The following GLB1 variants were observed in gnomAD, a reference collection of about 807,000 sequenced individuals.
GLB1 encodes beta-galactosidase.
A neutral mutation model predicts 74.0 loss-of-function variants in GLB1; 56 were observed. The ratio of observed to expected loss-of-function variants is 0.76; its 90% confidence interval spans 0.61 to 0.94. The LOEUF (loss-of-function observed/expected upper bound fraction) is 0.94, where lower values mean the gene tolerates loss of function less well. Among genes scored for constraint, GLB1 ranks in the 40% least tolerant of loss-of-function variants. The pLI is 0.00. For synonymous variants in GLB1, 323 were observed against 323.6 expected (o/e 1.00, Z 0.02); for missense variants, 787 against 845.5 (o/e 0.93, Z 0.86).
Position 32,997,119 on chromosome 3 carries a change from AG to A in GLB1, c.1959del (p.Ser654ProfsTer32). On this transcript the variant is annotated frameshift_variant, in exon 16 of 16. Transcript: ENST00000307363. LOFTEE classifies it low-confidence loss of function (END_TRUNC). ...ATGAGTCTTTTTTCAACAGGTTTGG[AG>A]GGATGATCGTAGGTCACAGATGAGC... ...VIGSSVTYDH[P>X]SKPVEKRLMP... The A allele has an allele frequency of 6.2e-7, 1 of 1,614,042 alleles. No homozygotes were observed. Among genetic ancestry groups the A allele is most frequent in the Non-Finnish European group, 8.5e-7 (1 of 1,180,010 alleles).
At chr3:33,054,296 C>A (rs897526381) in intron 6 of GLB1, among the ~76,000 whole-genome samples, 1 of 152,176 alleles carries the variant, frequency 6.6e-6, no homozygotes, top group Non-Finnish European at 1.5e-5. Flanking sequence ...CCTTCCCACA[C>A]CCCATGGGCC....
the GLB1 span, among the ~76,000 whole-genome samples, chr3:32,976,045 C>G: frequency 6.6e-6 from 1 of 152,200 alleles, no homozygotes; most frequent in African/African-American, 2.4e-5. Context: ...CACCCATCTC[C>G]CCTTTCCTCA....
the GLB1 span, among the ~76,000 whole-genome samples, chr3:32,972,420 T>C: frequency 2.0e-5 from 3 of 152,316 alleles, no homozygotes; most frequent in African/African-American, 4.8e-5. Context: ...AGTTAGCCCA[T>C]GTTCCAGTTC....
intron 7 of GLB1, 73 bp downstream of exon 7, chr3:33,053,418 C>T: frequency 6.2e-7 from 1 of 1,609,142 alleles, no homozygotes; most frequent in Non-Finnish European, 8.5e-7. Flanking sequence ...CAAGGGCCTA[C>T]TGCCCAGTTT....
chr3:33,097,072 A>G lies in GLB1; in HGVS notation c.14T>C (p.Leu5Pro), dbSNP rs1701065102. The G allele has an allele frequency of 1.2e-6, 2 of 1,612,610 alleles. No homozygotes were observed. The highest frequency in any genetic ancestry group is 1.7e-6 in the Non-Finnish European group (2 of 1,179,094). The change falls in exon 1 of 16, where the codon CTG becomes CCG. Residue 5 changes from leucine to proline, a missense_variant. Coordinates refer to ENST00000307363, the MANE Select transcript of GLB1 (RefSeq NM_000404.4). The stretch of plus-strand genomic sequence containing the variant: ...CAGCAACAGAGGGAGGATGCGAACC[A>G]GGAACCCCGGCATGACCACCAGCCT... MPGF[L>P]VRILPLLLVL...
intron 1 of GLB1, among the ~76,000 whole-genome samples, chr3:33,086,320 C>G (rs925751526): frequency 6.6e-6 from 1 of 152,030 alleles, no homozygotes; most frequent in African/African-American, 2.4e-5. Flanking sequence ...AATCTGGTAT[C>G]TGTCTTGCCT....
At chr3:32,965,588 C>T in the GLB1 span, among the ~76,000 whole-genome samples, 1 of 151,808 alleles carries the variant, frequency 6.6e-6, no homozygotes, top group Non-Finnish European at 1.5e-5. Flanking sequence ...AAAAAAAAAA[C>T]ATTTTCTGGG....
In GLB1 at chr3:33,093,006, A is replaced by T; in HGVS notation, c.75+4005T>A. On this transcript the variant is annotated intron_variant, in intron 1 of 15. Transcript: ENST00000307363. The surrounding 1 kb of genome is among the most constrained non-coding windows in gnomAD (Gnocchi z 6.0). ...ATAGGCTGCTACGTTCAAGGGGAAG[A>T]TCTGCCCAGCATGTGTGTGCCCAGA... 1 of 1,614,224 alleles carries T rather than the reference A, an allele frequency of 6.2e-7. No individual in the cohort carries two copies. The highest frequency in any genetic ancestry group is 1.1e-5 in the South Asian group (1 of 91,082).
the GLB1 span, among the ~76,000 whole-genome samples, chr3:32,961,138 T>C: frequency 6.6e-6 from 1 of 152,252 alleles, no homozygotes; most frequent in Admixed American, 6.5e-5. Flanking sequence ...ATTAAGACTT[T>C]TCATATTGAA....
chr3:33,002,324 TCTCCCTCC>T lies in GLB1; in HGVS notation c.1735-4988_1735-4981del, dbSNP rs775639992. Among the ~76,000 whole-genome samples, 10 of 83,096 alleles carry T rather than the reference TCTCCCTCC, an allele frequency of 1.2e-4. No homozygotes were observed. The East Asian group carries it at 1.6e-3, about 13-fold the overall frequency. The allele number at this position is 83,096 out of a possible 152,430, so 54.5% of individuals were successfully genotyped here. ...GGATAAATGGAATTTAAAACAAAAG[TCTCCCTCC>T]CTCCCTCCCTCCCTCCCTTCCTTCC... On this transcript the variant is annotated intron_variant, in intron 15 of 15. Transcript: ENST00000307363.
In GLB1 at chr3:33,058,167, T is replaced by C; in HGVS notation, c.655A>G (p.Thr219Ala). 6.2e-7 allele frequency: 1 copy of C among 1,614,082 alleles called. No individual in the cohort carries two copies. Among genetic ancestry groups the C allele is most frequent in the Non-Finnish European group, 8.5e-7 (1 of 1,180,016 alleles). The change falls in exon 6 of 16, where the codon ACC (threonine) becomes GCC (alanine). Residue 219 changes from threonine (T) to alanine (A), a missense_variant. Thr to Ala is a moderately conservative substitution (Grantham distance 58). Transcript: ENST00000307363. Reference sequence around the variant, plus strand: ...AATGTTTTATGTGCTCCATCAGTGGTAAACAGAACCACATCATCCCCCAGA... The same window carrying C: ...AATGTTTTATGTGCTCCATCAGTGGCAAACAGAACCACATCATCCCCCAGA... Reference protein sequence around the residue: ...HHLGDDVVLFTTDGAHKTFLK... With the variant: ...HHLGDDVVLFATDGAHKTFLK...
chr3:33,073,315 C>T (rs940988848), intron 1 of GLB1, among the ~76,000 whole-genome samples: 1 of 152,088 alleles, frequency 6.6e-6, no homozygotes, highest in Non-Finnish European at 1.5e-5. Context: ...GCATTTAAGG[C>T]AATATTTGTA....
intron 1 of GLB1, chr3:33,077,359 A>T: frequency 7.1e-7 from 1 of 1,410,790 alleles, no homozygotes; most frequent in Non-Finnish European, 9.8e-7. Context: ...AACGATAGGG[A>T]TGGTCAATGA....
intron 15 of GLB1, among the ~76,000 whole-genome samples, chr3:32,999,622 T>C (rs1439738224): frequency 2.0e-5 from 3 of 152,108 alleles, no homozygotes; most frequent in East Asian, 1.9e-4. Context: ...TGGGTTAGCG[T>C]TGGTCAGAAG....
chr3:33,022,563 G>GGTTTTTTTTTTTTTTTTTT (rs1380045437), intron 11 of GLB1, among the ~76,000 whole-genome samples: 2 of 15,314 alleles, frequency 1.3e-4, no homozygotes, highest in Non-Finnish European at 3.0e-4. Flanking sequence ...TACTGGTTAG[G>GGTTTTTTTTTTTTTTTTTT]ATTTTTTTTT....
Position 33,051,825 on chromosome 3 carries a change from C to T in GLB1, c.915-27G>A, listed in dbSNP as rs376092746. ...TACAAGGAAACAAAAGAACACGGTA[C>T]TTCACTGTGAGCCCATGGCTACTGA... On this transcript the variant is annotated intron_variant, in intron 8 of 15. Transcript: ENST00000307363. 2.8e-5 allele frequency: 45 copies of T among 1,614,172 alleles called. No individual in the cohort carries two copies. In the African/African-American group the frequency reaches 5.6e-4, roughly 20 times the overall value.
intron 1 of GLB1, among the ~76,000 whole-genome samples, chr3:33,082,015 T>C (rs1368488529): frequency 6.6e-6 from 1 of 152,162 alleles, no homozygotes; most frequent in Non-Finnish European, 1.5e-5. Flanking sequence ...GATCCTGCAT[T>C]ACCACCCCAA....
intron 9 of GLB1, 65 bp downstream of exon 9, chr3:33,051,693 C>T: frequency 6.2e-7 from 1 of 1,610,834 alleles, no homozygotes; most frequent in Non-Finnish European, 8.5e-7. Flanking sequence ...TGGGCACACC[C>T]CTCCTCAAAT....
the GLB1 span, among the ~76,000 whole-genome samples, chr3:32,964,086 T>G: frequency 6.6e-6 from 1 of 152,196 alleles, no homozygotes; most frequent in Non-Finnish European, 1.5e-5. Context: ...AGGTACAAGA[T>G]AGCATGCTGG....
Sources: allele counts gnomAD v4.1 joint callset (sites outside exome capture counted in the v4.1 genomes callset), GRCh38; gene constraint gnomAD v4.1.1; non-coding constraint Gnocchi (gnomAD v3.1); transcripts MANE v1.5; gene names NCBI Gene and HGNC (gene_info 2026-07-23, HGNC 2026-07-21).